GLRX3: variants seen among roughly 807,000 people sequenced by gnomAD.
The protein encoded by GLRX3 is glutaredoxin 3, also known as glutaredoxin-3.
Under a neutral mutation model 49.5 loss-of-function variants are expected in GLRX3, and 22 were observed. The ratio of observed to expected loss-of-function variants is 0.44; its 90% CI spans 0.32 to 0.63. GLRX3 has a LOEUF of 0.63. Ranked by LOEUF, GLRX3 falls within the 30% of genes least tolerant of loss-of-function variation. The pLI is 0.05. For synonymous variants in GLRX3, 133 were observed against 140.0 expected, an observed-to-expected ratio of 0.95 and a Z score of 0.35; for missense variants, 385 against 396.3, an observed-to-expected ratio of 0.97 and a Z score of 0.24.
At chr10:130,178,387 T>C (rs1862963204) in intron 10 of GLRX3, among the ~76,000 whole-genome samples, 2 of 152,118 alleles carry the variant, frequency 1.3e-5, no homozygotes, top group South Asian at 4.2e-4. Flanking sequence ...CCTAAGTAGC[T>C]AGAATTACAG....
chr10:130,149,934 T>A (rs1205349747), intron 2 of GLRX3, among the ~76,000 whole-genome samples: 3 of 132,160 alleles, frequency 2.3e-5, no homozygotes, highest in Non-Finnish European at 3.2e-5. Context: ...TTTTCATTAG[T>A]AAAAAAAAAA....
chr10:130,154,037 A>G (rs113831722), intron 2 of GLRX3, among the ~76,000 whole-genome samples: 1 of 152,208 alleles, frequency 6.6e-6, no homozygotes, highest in Non-Finnish European at 1.5e-5. Flanking sequence ...AGCCTCAGCA[A>G]TGGCGGACGC....
chr10:130,139,467 G>A (rs1452893856), intron 1 of GLRX3, among the ~76,000 whole-genome samples: 1 of 151,610 alleles, frequency 6.6e-6, no homozygotes, highest in Non-Finnish European at 1.5e-5. Flanking sequence ...GTGAAACCCC[G>A]TCTTTACTAA....
intron 2 of GLRX3, among the ~76,000 whole-genome samples, chr10:130,153,812 G>A (rs944146377): frequency 6.6e-6 from 1 of 152,164 alleles, no homozygotes; most frequent in African/African-American, 2.4e-5. Context: ...GCCATGCTGG[G>A]AGAACCACCT....
chr10:130,140,549 A>G (rs2134868147), intron 1 of GLRX3, among the ~76,000 whole-genome samples: 1 of 152,288 alleles, frequency 6.6e-6, no homozygotes, highest in Non-Finnish European at 1.5e-5. Flanking sequence ...TTTTTGTTTC[A>G]TCTTCTCAAC....
chr10:130,158,586 C>T (rs1212393489), intron 2 of GLRX3, among the ~76,000 whole-genome samples: 1 of 152,088 alleles, frequency 6.6e-6, no homozygotes, highest in Non-Finnish European at 1.5e-5. Context: ...AGTGGGCACT[C>T]CATAGATGTT....
chr10:130,161,348 CTGTT>C (rs753511711), intron 4 of GLRX3, among the ~76,000 whole-genome samples: 42 of 152,144 alleles, frequency 2.8e-4, no homozygotes, highest in Non-Finnish European at 5.0e-4. Context: ...TCTCTTTTGC[CTGTT>C]TATCTACTTT....
intron 10 of GLRX3, among the ~76,000 whole-genome samples, chr10:130,177,381 T>C (rs911198115): frequency 6.6e-6 from 1 of 152,346 alleles, no homozygotes. Flanking sequence ...GTTTAGACTT[T>C]CCACCTGCCG....
Position 130,141,860 on chromosome 10 carries a change from C to G in GLRX3, c.93-3351C>G, listed in dbSNP as rs145650434. On this transcript the variant is annotated intron_variant, in intron 1 of 10. Transcript: ENST00000331244. The stretch of plus-strand genomic sequence containing the variant: ...CCTGGATCCTCTTCATTGCTGGAGG[C>G]TATGGTGGGCAGAGGCTCCTGAGGG... Among the ~76,000 whole-genome samples, 559 of 152,224 alleles carry G rather than the reference C, an allele frequency of 3.7e-3. 2 individuals are homozygous for G. Among genetic ancestry groups the G allele is most frequent in the Non-Finnish European group, 6.6e-3 (446 of 68,010 alleles).
In GLRX3 at chr10:130,169,623, A is replaced by G. The variant is rs988008710; in HGVS notation, c.771+133A>G. 6 of 654,640 alleles carry G rather than the reference A, an allele frequency of 9.2e-6. No individual in the cohort carries two copies. In the Middle Eastern group the frequency reaches 9.7e-4, roughly 106 times the overall value. 40.6% of individuals were successfully genotyped at this position (654,640 alleles called of 1,614,324 possible). A position where few individuals can be genotyped will look rare whatever the true frequency, so the allele number is the denominator to read the frequency against. On this transcript the variant is annotated intron_variant, in intron 7 of 10. Coordinates refer to ENST00000331244, the MANE Select transcript of GLRX3 (RefSeq NM_006541.5). ...ATATCAGGAAGTTATCCACGCCTTAATTGGTGCTTACGGAGATCAAACAAA... is the reference window on the plus strand; with the variant it reads ...ATATCAGGAAGTTATCCACGCCTTAGTTGGTGCTTACGGAGATCAAACAAA...
chr10:130,171,537 T>C, intron 7 of GLRX3, 47 bp from the exon 8 acceptor site: 1 of 985,560 alleles, frequency 1.0e-6, no homozygotes, highest in Non-Finnish European at 1.7e-6. Context: ...ACCATGCTGC[T>C]TGGGTCATAC....
chr10:130,155,003 G>A (rs559784958), intron 2 of GLRX3, among the ~76,000 whole-genome samples: 18 of 151,940 alleles, frequency 1.2e-4, no homozygotes, highest in East Asian at 1.2e-3. Context: ...ATAAGGTCTC[G>A]CTCTGTCACC....
chr10:130,162,613 A>G lies in GLRX3; in HGVS notation c.478+1616A>G, dbSNP rs1042077700. On this transcript the variant is annotated intron_variant, in intron 4 of 10. Transcript: ENST00000331244. ...AGAACTGGCTGTGAAATGTGGGTGAAGCACACCTACAGTGAAATCTCTACA... is the reference window on the plus strand; with the variant it reads ...AGAACTGGCTGTGAAATGTGGGTGAGGCACACCTACAGTGAAATCTCTACA... 4.6e-5 allele frequency among the ~76,000 whole-genome samples: 7 copies of G among 152,346 alleles called. No homozygotes were observed. In the South Asian group the frequency reaches 1.4e-3, roughly 32 times the overall value.
chr10:130,171,764 G>A, intron 8 of GLRX3, 128 bp downstream of exon 8: 3 of 673,062 alleles, frequency 4.5e-6, no homozygotes, highest in Non-Finnish European at 5.3e-6. Flanking sequence ...CCAGGTGTTC[G>A]AGACCAGCCT....
At chr10:130,179,879 C>T (rs1862992574), downstream of GLRX3, among the ~76,000 whole-genome samples, 1 of 152,182 alleles carries the variant, frequency 6.6e-6, no homozygotes, top group African/African-American at 2.4e-5. Flanking sequence ...CATTGCTGAG[C>T]TCGGCACTGG....
chr10:130,145,723 G>A lies in GLRX3; in HGVS notation c.201+404G>A, dbSNP rs142071187. 3.6e-3 allele frequency among the ~76,000 whole-genome samples: 541 copies of A among 152,112 alleles called. 3 individuals carry two copies. The highest frequency in any genetic ancestry group is 0.017 in the South Asian group (81 of 4,816). ...TATTAACTAATATAAAGATGGAGTG[G>A]TATGGAATTCCAAATATGTATAATT... On this transcript the variant is annotated intron_variant, in intron 2 of 10. Transcript: ENST00000331244.
chr10:130,157,557 A>G (rs982498203), intron 2 of GLRX3, among the ~76,000 whole-genome samples: 3 of 114,080 alleles, frequency 2.6e-5, no homozygotes, highest in African/African-American at 1.0e-4. Flanking sequence ...TACTCAGTCT[A>G]CTGATTCAAA....
intron 2 of GLRX3, among the ~76,000 whole-genome samples, chr10:130,152,677 G>A (rs1862400549): frequency 6.6e-6 from 1 of 152,146 alleles, no homozygotes. Flanking sequence ...TCTGCTGTTA[G>A]TCTGATAGCC....
At chr10:130,151,944 A>G (rs1272461125) in intron 2 of GLRX3, among the ~76,000 whole-genome samples, 1 of 152,016 alleles carries the variant, frequency 6.6e-6, no homozygotes, top group East Asian at 1.9e-4. Flanking sequence ...ACTCTGTCCA[A>G]TTTGCCAGGC....
Sources: allele counts gnomAD v4.1 joint callset (sites outside exome capture counted in the v4.1 genomes callset), GRCh38; gene constraint gnomAD v4.1.1; transcripts MANE v1.5; gene names NCBI Gene and HGNC (gene_info 2026-07-23, HGNC 2026-07-21).